FGF12: variants seen among roughly 807,000 people sequenced by gnomAD.
The protein encoded by FGF12 is fibroblast growth factor 12B.
Under a neutral mutation model 23.6 loss-of-function variants are expected in FGF12, and 14 were observed. The ratio of observed to expected loss-of-function variants is 0.59; its 90% CI spans 0.39 to 0.93. FGF12 has a LOEUF of 0.93. Ranked by LOEUF, FGF12 falls within the 40% of genes least tolerant of loss-of-function variation. The probability of loss-of-function intolerance (pLI) is 0.00; values close to 1 mark genes in which losing one functional copy is unlikely to be tolerated. For synonymous variants in FGF12, 62 were observed against 77.3 expected, an observed-to-expected ratio of 0.80 and a Z score of 1.04; for missense variants, 175 against 217.8, an observed-to-expected ratio of 0.80 and a Z score of 1.24.
chr3:192,222,651 C>T (rs972419868), intron 4 of FGF12, among the ~76,000 whole-genome samples: 4 of 152,116 alleles, frequency 2.6e-5, no homozygotes, highest in Admixed American at 2.6e-4. Context: ...TGTATCAATA[C>T]ATGATACTTT....
intron 2 of FGF12, among the ~76,000 whole-genome samples, chr3:192,392,627 AGAGAGAGG>A (rs1720353218): frequency 9.2e-6 from 1 of 108,124 alleles, no homozygotes; most frequent in African/African-American, 3.8e-5. Context: ...AGAGAGAGAG[AGAGAGAGG>A]AAGGGAGGGA....
chr3:192,711,750 A>T (rs567037050), intron 2 of FGF12, among the ~76,000 whole-genome samples: 22 of 152,170 alleles, frequency 1.4e-4, no homozygotes, highest in Admixed American at 7.2e-4. Flanking sequence ...TGAAGGCAGC[A>T]TGCTCCTTAA....
intron 2 of FGF12, among the ~76,000 whole-genome samples, chr3:192,602,546 G>A (rs1303212476): frequency 6.6e-6 from 1 of 152,058 alleles, no homozygotes; most frequent in South Asian, 2.1e-4. Context: ...GATAAGAAGT[G>A]TCCACTCTCA....
chr3:192,557,768 CA>C (rs1165434731), intron 2 of FGF12, among the ~76,000 whole-genome samples: 1 of 151,734 alleles, frequency 6.6e-6, no homozygotes. Flanking sequence ...GTTCAACTTA[CA>C]AAAATCAATC....
chr3:192,693,792 TAGA>T (rs1397061799), intron 2 of FGF12, among the ~76,000 whole-genome samples: 1 of 152,288 alleles, frequency 6.6e-6, no homozygotes, highest in Non-Finnish European at 1.5e-5. Context: ...GTAAAACTCC[TAGA>T]AGAATACATG....
chr3:192,543,689 T>C lies in FGF12; in HGVS notation c.14-183151A>G, dbSNP rs116517916. ...GCGAGTACTGCCCAGCTACCACTGC[T>C]GAAAGTTCAAGGCCCAAGGGCTCTT... On this transcript the variant is annotated intron_variant, in intron 2 of 5. Transcript: ENST00000445105. Among the ~76,000 whole-genome samples the C allele has an allele frequency of 2.1e-3, 327 of 152,244 alleles. 2 individuals are homozygous for C. The highest frequency in any genetic ancestry group is 7.7e-3 in the African/African-American group (320 of 41,562).
Position 192,381,029 on chromosome 3 carries a change from A to G in FGF12, c.14-20491T>C, listed in dbSNP as rs576671503. Among the ~76,000 whole-genome samples the G allele has an allele frequency of 2.0e-5, 3 of 151,520 alleles. No individual in the cohort carries two copies. The South Asian group carries it at 6.2e-4, about 31-fold the overall frequency. On this transcript the variant is annotated intron_variant, in intron 2 of 5. Coordinates refer to ENST00000445105, the MANE Select transcript of FGF12 (RefSeq NM_004113.6). The stretch of plus-strand genomic sequence containing the variant: ...TAGTGAATATAGAAATTATTGCAAT[A>G]TCATACATTCATTTTCTTCATGCTA...
chr3:192,403,255 C>G (rs1720834124), intron 2 of FGF12, among the ~76,000 whole-genome samples: 1 of 152,130 alleles, frequency 6.6e-6, no homozygotes, highest in South Asian at 2.1e-4. Context: ...CTATTGCTTC[C>G]TCAAATGCAG....
At chr3:192,276,830 A>G (rs1713819704) in intron 4 of FGF12, among the ~76,000 whole-genome samples, 1 of 152,182 alleles carries the variant, frequency 6.6e-6, no homozygotes, top group Non-Finnish European at 1.5e-5. Context: ...CTTTCCAGAG[A>G]GGGTCCTCAC....
intron 2 of FGF12, among the ~76,000 whole-genome samples, chr3:192,704,272 A>G (rs546119006): frequency 1.3e-5 from 2 of 152,330 alleles, no homozygotes; most frequent in South Asian, 2.1e-4. Context: ...CCATAGCTAT[A>G]GGATGGCTGT....
intron 4 of FGF12, among the ~76,000 whole-genome samples, chr3:192,286,443 G>A (rs1033875321): frequency 6.6e-6 from 1 of 152,130 alleles, no homozygotes; most frequent in South Asian, 2.1e-4. Flanking sequence ...CCAGAAATCT[G>A]TACCCTCTTT....
At chr3:192,548,917 G>A (rs2108583736) in intron 2 of FGF12, among the ~76,000 whole-genome samples, 1 of 152,100 alleles carries the variant, frequency 6.6e-6, no homozygotes, top group Admixed American at 6.6e-5. Flanking sequence ...ATATAACCCT[G>A]TCTCTTATAA....
At chr3:192,669,868 T>C (rs538876109) in intron 2 of FGF12, among the ~76,000 whole-genome samples, 5 of 152,262 alleles carry the variant, frequency 3.3e-5, no homozygotes, top group Middle Eastern at 6.8e-3. Flanking sequence ...ATGATCAATA[T>C]ATGATATTAA....
chr3:192,222,822 T>C (rs564280710), intron 4 of FGF12, among the ~76,000 whole-genome samples: 1 of 152,284 alleles, frequency 6.6e-6, no homozygotes, highest in Admixed American at 6.5e-5. Context: ...TCCTGGCTCT[T>C]TGTAAATGCA....
At chr3:192,418,510 G>C (rs1223782697) in intron 2 of FGF12, among the ~76,000 whole-genome samples, 1 of 152,062 alleles carries the variant, frequency 6.6e-6, no homozygotes, top group Non-Finnish European at 1.5e-5. Context: ...AGTGTTTGAG[G>C]GACACGAAGG....
At chr3:192,638,394 A>T (rs1468661654) in intron 2 of FGF12, among the ~76,000 whole-genome samples, 1 of 152,248 alleles carries the variant, frequency 6.6e-6, no homozygotes, top group African/African-American at 2.4e-5. Context: ...GATGTTACTT[A>T]AATACTACTC....
At chr3:192,216,575 T>C (rs1255047289) in intron 4 of FGF12, among the ~76,000 whole-genome samples, 1 of 152,232 alleles carries the variant, frequency 6.6e-6, no homozygotes, top group Non-Finnish European at 1.5e-5. Flanking sequence ...AAATGCTACA[T>C]AATCAGAAAC....
intron 2 of FGF12, among the ~76,000 whole-genome samples, chr3:192,383,175 C>A (rs13075970): frequency 0.013 from 1,922 of 152,280 alleles, 25 homozygotes; most frequent in Non-Finnish European, 0.02. Flanking sequence ...AACATATACA[C>A]CCCAGCATGG....
chr3:192,479,027 G>T (rs1489658726), intron 2 of FGF12, among the ~76,000 whole-genome samples: 1 of 152,148 alleles, frequency 6.6e-6, no homozygotes, highest in Admixed American at 6.6e-5. Flanking sequence ...CCTAAAAGAG[G>T]CATGCTGTTT....
Sources: allele counts gnomAD v4.1 joint callset (sites outside exome capture counted in the v4.1 genomes callset), GRCh38; gene constraint gnomAD v4.1.1; transcripts MANE v1.5; gene names NCBI Gene and HGNC (gene_info 2026-07-23, HGNC 2026-07-21).